Variants in SLC44A5 observed in about 807,000 individuals in gnomAD.
SLC44A5 encodes the protein choline transporter-like protein 5.
Under a neutral mutation model 101.8 loss-of-function variants are expected in SLC44A5, and 57 were observed. That is an observed-to-expected ratio of 0.56 (90% confidence interval 0.45 to 0.70). The LOEUF is 0.70. SLC44A5 is among the 30% of genes least tolerant of loss of function. The probability of loss-of-function intolerance (pLI) is 0.00; values close to 1 mark genes in which losing one functional copy is unlikely to be tolerated. For missense variants in SLC44A5, 737 were observed against 853.1 expected (o/e 0.86, Z 1.70); for synonymous variants, 281 against 290.9 (o/e 0.97, Z 0.35).
At chr1:75,279,846 G>T (rs1037936872) in intron 5 of SLC44A5, among the ~76,000 whole-genome samples, 10 of 151,614 alleles carry the variant, frequency 6.6e-5, no homozygotes, top group Non-Finnish European at 1.0e-4. Context: ...CTGAGATTTT[G>T]GTGCACCTGA....
chr1:75,242,599 T>C (rs1648732279), intron 8 of SLC44A5, among the ~76,000 whole-genome samples: 1 of 152,066 alleles, frequency 6.6e-6, no homozygotes, highest in African/African-American at 2.4e-5. Context: ...AACTCCTAGT[T>C]CTAGAGTAAA....
At chr1:75,231,049 C>T (rs958764282) in intron 12 of SLC44A5, among the ~76,000 whole-genome samples, 3 of 152,198 alleles carry the variant, frequency 2.0e-5, no homozygotes, top group African/African-American at 7.2e-5. Context: ...TGATCTGAAT[C>T]TGTGAAAACC....
chr1:75,343,933 C>G (rs1364289540), intron 3 of SLC44A5, among the ~76,000 whole-genome samples: 1 of 152,176 alleles, frequency 6.6e-6, no homozygotes. Flanking sequence ...GTTCCCACTT[C>G]TTAGCCCAAC....
chr1:75,468,579 AC>A (rs1459235620), intron 2 of SLC44A5, among the ~76,000 whole-genome samples: 1 of 152,168 alleles, frequency 6.6e-6, no homozygotes, highest in African/African-American at 2.4e-5. Context: ...AGAAAGACAA[AC>A]ATTCCATGTT....
rs957507994 is a variant in SLC44A5, at chr1:75,281,648, C to G, written c.176-6606G>C. Among the ~76,000 whole-genome samples the G allele has an allele frequency of 3.2e-4, 36 of 111,932 alleles. 4 individuals carry two copies. The South Asian group carries it at 7.4e-3, about 23-fold the overall frequency. 73.4% of individuals were successfully genotyped at this position (111,932 alleles called of 152,430 possible). ...GGGCTGGTGCCAGGCCCCCCCCCCCCCCCGCTGCATTTAGCCTAGGGACTT... is the reference window on the plus strand; with the variant it reads ...GGGCTGGTGCCAGGCCCCCCCCCCCGCCCGCTGCATTTAGCCTAGGGACTT... On this transcript the variant is annotated intron_variant, in intron 5 of 23. Transcript: ENST00000370859.
At chr1:75,684,562 A>G in the SLC44A5 span, among the ~76,000 whole-genome samples, 1 of 152,210 alleles carries the variant, frequency 6.6e-6, no homozygotes, top group Admixed American at 6.5e-5. Flanking sequence ...TGGCCAAAAT[A>G]AAGGAGCTAC....
the SLC44A5 span, among the ~76,000 whole-genome samples, chr1:75,663,138 C>T: frequency 2.0e-5 from 3 of 152,140 alleles, no homozygotes; most frequent in African/African-American, 4.8e-5. Context: ...CTCTCTACTT[C>T]TACTGACCAG....
At chr1:75,482,611 T>G (rs1667936677) in intron 2 of SLC44A5, among the ~76,000 whole-genome samples, 1 of 152,134 alleles carries the variant, frequency 6.6e-6, no homozygotes, top group South Asian at 2.1e-4. Context: ...GGACCATCAC[T>G]AAAATTCCTT....
intron 2 of SLC44A5, among the ~76,000 whole-genome samples, chr1:75,472,812 C>T (rs935956887): frequency 4.6e-5 from 7 of 151,970 alleles, no homozygotes; most frequent in African/African-American, 1.7e-4. Flanking sequence ...GCAGCCCTGT[C>T]CTCATTTCAC....
At chr1:75,584,768 T>C (rs544792908) in intron 1 of SLC44A5, among the ~76,000 whole-genome samples, 1 of 152,024 alleles carries the variant, frequency 6.6e-6, no homozygotes, top group Non-Finnish European at 1.5e-5. Context: ...GGCTAATTTT[T>C]GTGTTTTCAG....
At chr1:75,554,469 C>CAAAAAAAAAAAAAAAAAAAAAAAAAA (rs35263222) in intron 1 of SLC44A5, among the ~76,000 whole-genome samples, 1 of 123,418 alleles carries the variant, frequency 8.1e-6, no homozygotes, top group Non-Finnish European at 1.7e-5. Context: ...GTGACTCTGT[C>CAAAAAAAAAAAAAAAAAAAAAAAAAA]AAAAAAAAAA....
At chr1:75,393,347 T>A (rs183078407) in intron 3 of SLC44A5, among the ~76,000 whole-genome samples, 2 of 152,320 alleles carry the variant, frequency 1.3e-5, no homozygotes, top group East Asian at 3.9e-4. Context: ...AAAAAGACTC[T>A]CTGTATACAT....
the SLC44A5 span, among the ~76,000 whole-genome samples, chr1:75,668,368 G>T: frequency 8.6e-6 from 1 of 115,944 alleles, no homozygotes; most frequent in Non-Finnish European, 1.6e-5. Flanking sequence ...CTGTCACCCA[G>T]GCTGAAGTGC....
chr1:75,220,471 G>A (rs925713977), intron 14 of SLC44A5, among the ~76,000 whole-genome samples: 5 of 151,798 alleles, frequency 3.3e-5, no homozygotes, highest in Non-Finnish European at 5.9e-5. Context: ...CAACACTTCA[G>A]GTAATTCCTT....
At position 75,217,941 on chromosome 1, in the gene SLC44A5, C is replaced by T; in HGVS notation, c.1549G>A (p.Ala517Thr). The stretch of plus-strand genomic sequence containing the variant: ...AATGCAATAATTAAAGATCCAAATG[C>T]TAGGGATCCTGTGTGATATCTGCAC... ...RAIRYHTGSL[A>T]FGSLIIALIQ... is the part of the protein sequence containing the mutation. Residue 517 changes from alanine to threonine, a missense_variant, in exon 18 of 24, where the codon GCA (alanine) becomes ACA (threonine). Transcript: ENST00000370859. 1.2e-6 allele frequency: 2 copies of T among 1,601,466 alleles called. No homozygotes were observed. Among genetic ancestry groups the T allele is most frequent in the Non-Finnish European group, 1.7e-6 (2 of 1,169,008 alleles).
intron 3 of SLC44A5, among the ~76,000 whole-genome samples, chr1:75,348,500 C>CA (rs1658415518): frequency 6.6e-6 from 1 of 152,124 alleles, no homozygotes. Flanking sequence ...TGGCACTAAG[C>CA]GAAAAGATGA....
intron 2 of SLC44A5, among the ~76,000 whole-genome samples, chr1:75,522,597 T>C (rs900328695): frequency 2.0e-5 from 3 of 152,142 alleles, no homozygotes; most frequent in African/African-American, 7.2e-5. Context: ...TGAAAGTTGC[T>C]CTTCCCAGTC....
At chr1:75,327,519 T>C (rs1485920325) in intron 4 of SLC44A5, among the ~76,000 whole-genome samples, 1 of 152,156 alleles carries the variant, frequency 6.6e-6, no homozygotes, top group Non-Finnish European at 1.5e-5. Context: ...AGACACTATA[T>C]AGGAAATTTG....
chr1:75,547,583 G>A (rs76934732), intron 1 of SLC44A5, among the ~76,000 whole-genome samples: 20,274 of 152,160 alleles, frequency 0.13, 1,811 homozygotes, highest in Admixed American at 0.22. Context: ...TTTTGGGGAT[G>A]CTCAAGACAT....
Sources: gnomAD v4.1 joint callset for allele counts (sites outside exome capture counted in the v4.1 genomes callset) on GRCh38, gnomAD v4.1.1 for gene constraint, MANE v1.5 for transcripts, NCBI Gene and HGNC (gene_info 2026-07-23, HGNC 2026-07-21) for gene names.